The following TTC28 variants were observed in gnomAD, a reference collection of about 807,000 sequenced individuals.
TTC28 encodes tetratricopeptide repeat domain 28, also known as tetratricopeptide repeat protein 28.
Under a neutral mutation model 198.0 loss-of-function variants are expected in TTC28, and 61 were observed. The observed-to-expected ratio is 0.31, with a 90% CI of 0.25 to 0.38. The LOEUF is 0.38. TTC28 is among the 10% of genes least tolerant of loss of function. The pLI is 1.00. For synonymous variants in TTC28, 1,171 were observed against 1,297.8 expected, an observed-to-expected ratio of 0.90 and a Z score of 2.10; for missense variants, 2,678 against 3,164.0, an observed-to-expected ratio of 0.85 and a Z score of 3.69.
intron 5 of TTC28, among the ~76,000 whole-genome samples, chr22:28,196,060 A>T (rs1306029210): frequency 6.6e-6 from 1 of 151,862 alleles, no homozygotes; most frequent in Non-Finnish European, 1.5e-5. Context: ...CAGTAACCAA[A>T]ACAGCATGGT....
chr22:28,624,696 CTCTT>C (rs1210701532), intron 2 of TTC28, among the ~76,000 whole-genome samples: 3 of 152,042 alleles, frequency 2.0e-5, no homozygotes, highest in Non-Finnish European at 2.9e-5. Context: ...CCTACACAAA[CTCTT>C]TCAGAAAATA....
In TTC28 at chr22:28,005,341, C is replaced by G. The variant is rs1194728573; in HGVS notation, c.4219-3788G>C. Reference sequence around the variant, plus strand: ...TGATGACAGGGGTTCCGTGAAGGTGCAGTCTTTGTACAAGGAGAGGGTTGT... The same window carrying G: ...TGATGACAGGGGTTCCGTGAAGGTGGAGTCTTTGTACAAGGAGAGGGTTGT... On this transcript the variant is annotated intron_variant, in intron 14 of 22. Coordinates refer to ENST00000397906, the MANE Select transcript of TTC28 (RefSeq NM_001145418.2). The surrounding 1 kb of genome is among the most constrained non-coding windows in gnomAD (Gnocchi z 4.9). Among the ~76,000 whole-genome samples, 2 of 152,212 alleles carry G rather than the reference C, an allele frequency of 1.3e-5. No individual in the cohort carries two copies. The highest frequency in any genetic ancestry group is 2.9e-5 in the Non-Finnish European group (2 of 68,038).
rs115437738 is a variant in TTC28, at chr22:27,993,564, T to C, written c.5245-46A>G. On this transcript the variant is annotated intron_variant, in intron 17 of 22. Coordinates refer to ENST00000397906, the MANE Select transcript of TTC28 (RefSeq NM_001145418.2). ...AGTCAGAGACCCAGGCCAGCCCTGG[T>C]TTCCATCCGCATGGCTTTGAGGGTA... is the stretch of plus-strand genomic sequence containing the variant. 2.1e-3 allele frequency: 3,087 copies of C among 1,493,266 alleles called. 47 individuals carry two copies. In the African/African-American group the frequency reaches 0.034, roughly 17 times the overall value. The allele number at this position is 1,493,266 out of a possible 1,614,324, so 92.5% of individuals were successfully genotyped here. A position where few individuals can be genotyped will look rare whatever the true frequency, so the allele number is the denominator to read the frequency against.
chr22:28,039,322 A>G (rs1939509498), intron 12 of TTC28, among the ~76,000 whole-genome samples: 2 of 152,164 alleles, frequency 1.3e-5, no homozygotes, highest in Admixed American at 1.3e-4. Flanking sequence ...CATATACACC[A>G]TGGAATACTA....
intron 2 of TTC28, among the ~76,000 whole-genome samples, chr22:28,455,643 G>A (rs1445955732): frequency 1.3e-5 from 2 of 151,824 alleles, no homozygotes; most frequent in African/African-American, 4.8e-5. Flanking sequence ...GAACCCAGGA[G>A]GCAGAGGCTG....
chr22:28,324,301 C>A (rs1453702995), intron 2 of TTC28, among the ~76,000 whole-genome samples: 2 of 151,910 alleles, frequency 1.3e-5, no homozygotes, highest in African/African-American at 4.8e-5. Flanking sequence ...AAAATTCTAC[C>A]AAAGGTACAT....
intron 5 of TTC28, among the ~76,000 whole-genome samples, chr22:28,208,217 G>A (rs752238348): frequency 7.9e-5 from 12 of 152,084 alleles, no homozygotes; most frequent in Non-Finnish European, 1.5e-4. Context: ...CCCTAATTTC[G>A]TAATGACTAA....
intron 6 of TTC28, among the ~76,000 whole-genome samples, chr22:28,147,006 G>A (rs1215237114): frequency 6.6e-6 from 1 of 152,118 alleles, no homozygotes. Flanking sequence ...ATGGCATAAA[G>A]GACCACTTTC....
chr22:28,553,330 T>C (rs1404931993), intron 2 of TTC28, among the ~76,000 whole-genome samples: 1 of 146,890 alleles, frequency 6.8e-6, no homozygotes, highest in Admixed American at 6.8e-5. Flanking sequence ...CCATCCCATC[T>C]AGGAAGTGAG....
intron 5 of TTC28, among the ~76,000 whole-genome samples, chr22:28,293,602 T>A (rs1204541175): frequency 2.0e-5 from 3 of 152,056 alleles, no homozygotes; most frequent in Admixed American, 2.0e-4. Context: ...CAAAATTTGC[T>A]AAAAGATTAG....
chr22:28,597,636 A>G (rs764254882), intron 2 of TTC28, among the ~76,000 whole-genome samples: 15 of 152,216 alleles, frequency 9.9e-5, no homozygotes, highest in Admixed American at 1.3e-4. Context: ...ATCACCAATT[A>G]TTATAGAGAA....
chr22:28,001,165 G>A (rs5762445), intron 15 of TTC28: 3 of 562,106 alleles, frequency 5.3e-6, no homozygotes, highest in Non-Finnish European at 9.1e-6. Flanking sequence ...TCCCAAGGCA[G>A]CAAAGAATGG....
At chr22:28,581,133 T>G (rs1028458796) in intron 2 of TTC28, among the ~76,000 whole-genome samples, 2 of 152,114 alleles carry the variant, frequency 1.3e-5, no homozygotes, top group Non-Finnish European at 2.9e-5. Flanking sequence ...AGGGGGCAGA[T>G]TTCCCCCTTG....
chr22:28,566,047 T>TG (rs899073039), intron 2 of TTC28, among the ~76,000 whole-genome samples: 2 of 152,034 alleles, frequency 1.3e-5, no homozygotes, highest in African/African-American at 4.8e-5. Flanking sequence ...CAATATGGTT[T>TG]GGGGGGAGGA....
At chr22:28,599,204 G>A (rs1351761036) in intron 2 of TTC28, among the ~76,000 whole-genome samples, 1 of 152,204 alleles carries the variant, frequency 6.6e-6, no homozygotes, top group Non-Finnish European at 1.5e-5. Context: ...TAAATGGCAA[G>A]TTCTTTATCC....
chr22:28,564,583 G>A (rs957358956), intron 2 of TTC28, among the ~76,000 whole-genome samples: 5 of 151,634 alleles, frequency 3.3e-5, no homozygotes, highest in Admixed American at 6.6e-5. Context: ...GCAGTATTCC[G>A]TGGTTTTCCA....
In TTC28 at chr22:27,993,383, G is replaced by T; in HGVS notation, c.5380C>A (p.Pro1794Thr). ...GCCGCTGGCAGGCCACTGGTTGGGGGGTCCAGCCGGAAGCCCACAGCGGTG... is the reference window on the plus strand; with the variant it reads ...GCCGCTGGCAGGCCACTGGTTGGGGTGTCCAGCCGGAAGCCCACAGCGGTG... ...LLTAVGFRLD[P>T]PTSGLPAAVF... The change falls in exon 18 of 23, where the codon CCC becomes ACC. Residue 1794 changes from proline to threonine, a missense_variant. Around this residue, in one of 8 missense-constraint regions of TTC28, gnomAD observed 314 missense variants for 442.7 expected, o/e 0.71. Coordinates refer to ENST00000397906, the MANE Select transcript of TTC28 (RefSeq NM_001145418.2). 1 of 1,551,166 alleles carries T rather than the reference G, an allele frequency of 6.4e-7. No individual in the cohort carries two copies. The highest frequency in any genetic ancestry group is 8.7e-7 in the Non-Finnish European group (1 of 1,146,978).
chr22:28,291,770 T>C (rs1389529235), intron 5 of TTC28, among the ~76,000 whole-genome samples: 2 of 152,170 alleles, frequency 1.3e-5, no homozygotes, highest in African/African-American at 2.4e-5. Flanking sequence ...GATTTTATAA[T>C]ACCAAAACTT....
At chr22:27,990,583 G>GGGCGGAGCAGGAAGAGGGGA (rs1451415892) in intron 20 of TTC28, among the ~76,000 whole-genome samples, 3 of 152,208 alleles carry the variant, frequency 2.0e-5, no homozygotes, top group African/African-American at 7.2e-5. Context: ...GACGCAAGAA[G>GGGCGGAGCAGGAAGAGGGGA]GGCGGAGCAG....
Sources: gnomAD v4.1 joint callset for allele counts (sites outside exome capture counted in the v4.1 genomes callset) on GRCh38, gnomAD v4.1.1 for gene constraint, gnomAD v4.1.1 regional missense constraint, Gnocchi (gnomAD v3.1) non-coding constraint, MANE v1.5 for transcripts, NCBI Gene and HGNC (gene_info 2026-07-23, HGNC 2026-07-21) for gene names.